AR: variants seen among roughly 807,000 people sequenced by gnomAD.
The protein encoded by AR is dihydrotestosterone receptor.
In AR, 8 loss-of-function variants were observed where a neutral mutation model predicts 53.9. The observed-to-expected ratio is 0.15, with a 90% CI of 0.09 to 0.27. The LOEUF (loss-of-function observed/expected upper bound fraction) is 0.27, where lower values mean the gene tolerates loss of function less well. Among genes scored for constraint, AR ranks in the 10% least tolerant of loss-of-function variants. The pLI, the probability that AR is intolerant of heterozygous loss-of-function variation, is 1.00. For synonymous variants in AR, 359 were observed against 316.4 expected (o/e 1.13, Z -1.43); for missense variants, 639 against 742.5 (o/e 0.86, Z 1.62).
At chrX:67,605,814 C>G (rs1280645375) in intron 1 of AR, among the ~76,000 whole-genome samples, 1 of 112,082 alleles carries the variant, frequency 8.9e-6, no homozygotes, top group African/African-American at 3.2e-5. Flanking sequence ...TTTGATAATT[C>G]ATCAAATCTG....
chrX:67,709,363 C>G (rs1484971498), intron 3 of AR, among the ~76,000 whole-genome samples: 3 of 112,258 alleles, frequency 2.7e-5, no homozygotes. Flanking sequence ...CCCAGCCTCA[C>G]TGCTGCCTTG....
At chrX:67,566,172 G>A (rs1321285100) in intron 1 of AR, among the ~76,000 whole-genome samples, 1 of 111,891 alleles carries the variant, frequency 8.9e-6, no homozygotes, top group Admixed American at 9.4e-5. Flanking sequence ...TTAGTTAAAT[G>A]AGCATTTCAT....
intron 2 of AR, among the ~76,000 whole-genome samples, chrX:67,675,867 A>T (rs1019001456): frequency 9.0e-6 from 1 of 111,345 alleles, no homozygotes; most frequent in Non-Finnish European, 1.9e-5. Flanking sequence ...CTCTTTGGCC[A>T]TCTTGCTCCA....
At chrX:67,573,584 A>G (rs765288786) in intron 1 of AR, among the ~76,000 whole-genome samples, 2 of 111,464 alleles carry the variant, frequency 1.8e-5, no homozygotes, top group African/African-American at 3.3e-5. Context: ...AATTATGAAT[A>G]CATTTCTATT....
In AR at chrX:67,546,240, A is replaced by G. The variant is rs781574525; in HGVS notation, c.1094A>G (p.Tyr365Cys). The change falls in exon 1 of 8, where the codon TAC becomes TGC. Residue 365 changes from tyrosine to cysteine, a missense_variant. Physicochemically the swap from Tyr to Cys is radical, Grantham distance 194 (BLOSUM62 -2). Transcript: ENST00000374690. ...EAAAYQSRDY[Y>C]NFPLALAGPP... is the part of the protein sequence containing the mutation. The stretch of plus-strand genomic sequence containing the variant: ...GCTGCGTACCAGAGTCGCGACTACT[A>G]CAACTTTCCACTGGCTCTGGCCGGA... 7.4e-6 allele frequency: 9 copies of G among 1,209,601 alleles called. No homozygotes were observed. In the African/African-American group the frequency reaches 1.2e-4, roughly 16 times the overall value.
Position 67,722,030 on chromosome X carries a change from C to T in AR, c.2449+67C>T, listed in dbSNP as rs769012940. 3 of 1,159,196 alleles carry T rather than the reference C, an allele frequency of 2.6e-6. No individual in the cohort carries two copies. The African/African-American group carries it at 5.3e-5, about 21-fold the overall frequency. Reference sequence around the variant, plus strand: ...GAGATTCAGAGAGGACCACTTTTGCCATTAAAACATTATTAGGGAAAAGCC... The same window carrying T: ...GAGATTCAGAGAGGACCACTTTTGCTATTAAAACATTATTAGGGAAAAGCC... On this transcript the variant is annotated intron_variant, in intron 6 of 7. Transcript: ENST00000374690.
intron 3 of AR, among the ~76,000 whole-genome samples, chrX:67,707,147 G>A (rs959467735): frequency 8.9e-6 from 1 of 111,903 alleles, no homozygotes; most frequent in Non-Finnish European, 1.9e-5. Flanking sequence ...GGAGAGTTCT[G>A]TATAAGTCTA....
At chrX:67,688,150 T>C (rs1201874545) in intron 3 of AR, among the ~76,000 whole-genome samples, 2 of 111,611 alleles carry the variant, frequency 1.8e-5, no homozygotes, top group African/African-American at 6.5e-5. Context: ...AGGCCCATGA[T>C]ATTTTGAGTG....
intron 1 of AR, among the ~76,000 whole-genome samples, chrX:67,573,778 T>A (rs1921929972): frequency 8.9e-6 from 1 of 112,057 alleles, no homozygotes; most frequent in Admixed American, 9.5e-5. Context: ...CGAGTTATTG[T>A]CAGAGTAAAT....
intron 1 of AR, among the ~76,000 whole-genome samples, chrX:67,627,292 G>A (rs1246876966): frequency 9.0e-6 from 1 of 111,470 alleles, no homozygotes; most frequent in African/African-American, 3.3e-5. Context: ...TCCAGCACCT[G>A]TTGTTTCCTG....
chrX:67,647,112 T>C (rs1926095548), intron 2 of AR, among the ~76,000 whole-genome samples: 1 of 112,105 alleles, frequency 8.9e-6, no homozygotes, highest in African/African-American at 3.2e-5. Flanking sequence ...TCATGTGCAT[T>C]ATGTGCTCAA....
intron 2 of AR, among the ~76,000 whole-genome samples, chrX:67,667,216 G>A (rs993813187): frequency 2.7e-5 from 3 of 111,761 alleles, no homozygotes; most frequent in African/African-American, 9.8e-5. Flanking sequence ...TCTTTAATAT[G>A]TTTTGATTTT....
intron 1 of AR, chrX:67,568,766 T>C: frequency 2.0e-6 from 2 of 1,008,692 alleles, no homozygotes; most frequent in Non-Finnish European, 1.3e-6. Context: ...CCGTCCCTCC[T>C]CTTCCCAACC....
chrX:67,656,240 A>G (rs754772975), intron 2 of AR, among the ~76,000 whole-genome samples: 2 of 111,849 alleles, frequency 1.8e-5, no homozygotes, highest in East Asian at 5.7e-4. Flanking sequence ...CAGGCCTTGT[A>G]TGCATCCAGA....
At chrX:67,635,846 G>T (rs1323064697) in intron 1 of AR, among the ~76,000 whole-genome samples, 1 of 111,255 alleles carries the variant, frequency 9.0e-6, no homozygotes, top group African/African-American at 3.3e-5. Context: ...GTAACCCTCG[G>T]GAGGTAAGAA....
Position 67,723,984 on chromosome X carries a change from A to G in AR, c.*143A>G. 1.2e-6 allele frequency: 1 copy of G among 829,685 alleles called. No individual in the cohort carries two copies. The highest frequency in any genetic ancestry group is 1.7e-6 in the Non-Finnish European group (1 of 587,154). 68.4% of individuals were successfully genotyped at this position (829,685 alleles called of 1,213,427 possible). A position where few individuals can be genotyped will look rare whatever the true frequency, so the allele number is the denominator to read the frequency against. On this transcript the variant is annotated 3_prime_UTR_variant, in exon 8 of 8. Transcript: ENST00000374690. ...CAGTCTGTCATGAACATGTTCCTGA[A>G]TTCTATTTGCTGGGCTTTTTTTTTC...
chrX:67,689,501 G>A, intron 3 of AR: 1 of 821,867 alleles, frequency 1.2e-6, no homozygotes, highest in Non-Finnish European at 1.6e-6. Flanking sequence ...AATAGATATA[G>A]CTTTTTCTTT....
chrX:67,631,911 G>A (rs1750924452), intron 1 of AR, among the ~76,000 whole-genome samples: 2 of 113,224 alleles, frequency 1.8e-5, no homozygotes, highest in South Asian at 7.2e-4. Flanking sequence ...TGAGGTGTCA[G>A]TCTGCCCCTG....
intron 3 of AR, among the ~76,000 whole-genome samples, chrX:67,697,992 A>T (rs2147510656): frequency 9.0e-6 from 1 of 111,407 alleles, no homozygotes; most frequent in Admixed American, 9.6e-5. Context: ...TAACAAACTT[A>T]TGAATTAAGT....
Sources: gnomAD v4.1 joint callset for allele counts (sites outside exome capture counted in the v4.1 genomes callset) on GRCh38, gnomAD v4.1.1 for gene constraint, MANE v1.5 for transcripts, NCBI Gene and HGNC (gene_info 2026-07-23, HGNC 2026-07-21) for gene names.